SNX12: variants seen among roughly 807,000 people sequenced by gnomAD.
SNX12 encodes the protein sorting nexin-12.
For synonymous variants in SNX12, 47 were observed against 56.0 expected (o/e 0.84, Z 0.71); for missense variants, 62 against 141.3 (o/e 0.44, Z 2.84).
At chrX:71,071,424 CAT>C (rs1248833373), upstream of SNX12, among the ~76,000 whole-genome samples, 140 of 78,675 alleles carry the variant, frequency 1.8e-3, no homozygotes, top group Middle Eastern at 9.7e-3. Flanking sequence ...ATAATATAAA[CAT>C]ATAATTATAT....
upstream of SNX12, among the ~76,000 whole-genome samples, chrX:71,068,721 G>A (rs992000458): frequency 9.8e-5 from 11 of 112,718 alleles, 1 homozygote; most frequent in African/African-American, 2.9e-4. Context: ...GTGATAGGCC[G>A]AAGCCCAGTG....
chrX:71,068,421 C>T, upstream of SNX12: 1 of 617,500 alleles, frequency 1.6e-6, no homozygotes, highest in Non-Finnish European at 2.3e-6. Flanking sequence ...CAGGCGGCGG[C>T]GGCGCGCACG....
chrX:71,066,084 A>G (rs1459794872), intron 1 of SNX12, among the ~76,000 whole-genome samples: 4 of 112,587 alleles, frequency 3.6e-5, no homozygotes, highest in Admixed American at 2.8e-4. Context: ...ACAGAAGTGT[A>G]GCAGAAAGAA....
At chrX:71,068,834 T>G (rs934321298), upstream of SNX12, among the ~76,000 whole-genome samples, 4 of 112,089 alleles carry the variant, frequency 3.6e-5, no homozygotes, top group African/African-American at 1.3e-4. Flanking sequence ...GTCCCACCTG[T>G]GCCACTGATG....
At chrX:71,070,862 T>C (rs1483376074), upstream of SNX12, among the ~76,000 whole-genome samples, 1 of 111,202 alleles carries the variant, frequency 9.0e-6, no homozygotes, top group Non-Finnish European at 1.9e-5. Context: ...AGAGCAGAAC[T>C]GGAGAAAAGA....
chrX:71,066,543 T>C (rs753039069), intron 1 of SNX12, among the ~76,000 whole-genome samples: 1 of 102,747 alleles, frequency 9.7e-6, no homozygotes, highest in East Asian at 3.0e-4. Context: ...CGAGCCGAGA[T>C]TGCACCATTG....
intron 1 of SNX12, among the ~76,000 whole-genome samples, chrX:71,065,409 C>T (rs372876959): frequency 6.5e-5 from 7 of 108,114 alleles, no homozygotes; most frequent in African/African-American, 2.4e-4. Flanking sequence ...TGGCTCACAC[C>T]TGTAATCCCA....
intron 2 of SNX12, 118 bp downstream of exon 2, chrX:71,062,736 A>AT (rs2092136852): frequency 4.1e-6 from 2 of 490,228 alleles, no homozygotes; most frequent in Admixed American, 3.0e-5. Flanking sequence ...GATTTGATGG[A>AT]TAAGAATGTG....
chrX:71,062,373 T>C (rs1193031515), intron 2 of SNX12, among the ~76,000 whole-genome samples: 2 of 95,045 alleles, frequency 2.1e-5, no homozygotes, highest in Non-Finnish European at 4.2e-5. Context: ...ACTTTCTTTT[T>C]TTTTTTTTTT....
At chrX:71,071,669 T>C (rs867610840), upstream of SNX12, among the ~76,000 whole-genome samples, 1 of 63,984 alleles carries the variant, frequency 1.6e-5, no homozygotes, top group East Asian at 4.4e-4. Flanking sequence ...ATATAATTAT[T>C]TATATATAAA....
At chrX:71,068,080 T>TCCCCCCTCCCC in intron 1 of SNX12, 62 bp downstream of exon 1, 1 of 627,034 alleles carries the variant, frequency 1.6e-6, no homozygotes, top group Admixed American at 3.6e-5. Context: ...GTAGCCTCCC[T>TCCCCCCTCCCC]CCCCCCTCCC....
At chrX:71,071,996 G>A (rs1218379510), upstream of SNX12, among the ~76,000 whole-genome samples, 1 of 110,412 alleles carries the variant, frequency 9.1e-6, no homozygotes, top group Non-Finnish European at 1.9e-5. Context: ...GGTGGCTCAC[G>A]CCTGTAATCC....
chrX:71,064,362 A>G (rs1383376145), intron 1 of SNX12, among the ~76,000 whole-genome samples: 7 of 112,309 alleles, frequency 6.2e-5, no homozygotes, highest in Non-Finnish European at 1.1e-4. Flanking sequence ...GTTATACTTT[A>G]GCATTGCCTG....
intron 3 of SNX12, among the ~76,000 whole-genome samples, chrX:71,061,565 G>A (rs901766133): frequency 4.5e-5 from 5 of 110,993 alleles, no homozygotes; most frequent in African/African-American, 9.8e-5. Context: ...AAACCCCATC[G>A]CTACTAAAAA....
chrX:71,066,586 T>C (rs1421254051), intron 1 of SNX12, among the ~76,000 whole-genome samples: 1 of 83,803 alleles, frequency 1.2e-5, no homozygotes, highest in African/African-American at 5.0e-5. Context: ...CGAGACTCCA[T>C]CTCTTAAAAA....
intron 1 of SNX12, among the ~76,000 whole-genome samples, chrX:71,065,751 C>G (rs980400396): frequency 9.1e-6 from 1 of 109,763 alleles, no homozygotes; most frequent in African/African-American, 3.3e-5. Context: ...TTGCAGTGAG[C>G]CGAGATCATG....
In SNX12 at chrX:71,060,899, C is replaced by T. The variant is rs1245964731; in HGVS notation, c.*117G>A. 4 of 517,649 alleles carry T rather than the reference C, an allele frequency of 7.7e-6. No individual in the cohort carries two copies. The highest frequency in any genetic ancestry group is 1.3e-5 in the Non-Finnish European group (4 of 298,925). The allele number at this position is 517,649 out of a possible 1,213,427, so 42.7% of individuals were successfully genotyped here. On this transcript the variant is annotated 3_prime_UTR_variant, in exon 4 of 4. Transcript: ENST00000374274. Reference sequence around the variant, plus strand: ...AGGTACCAGGGAGCACAATGCCAGACAGTCTATCAGGCCAGGAGATGGGCA... The same window carrying T: ...AGGTACCAGGGAGCACAATGCCAGATAGTCTATCAGGCCAGGAGATGGGCA...
intron 1 of SNX12, among the ~76,000 whole-genome samples, chrX:71,064,670 C>A (rs1381528470): frequency 8.9e-6 from 1 of 112,847 alleles, no homozygotes; most frequent in Non-Finnish European, 1.9e-5. Flanking sequence ...CAACACGAAT[C>A]CCCTGACAGA....
upstream of SNX12, among the ~76,000 whole-genome samples, chrX:71,071,033 C>A (rs1367016784): frequency 1.8e-5 from 2 of 110,350 alleles, no homozygotes; most frequent in African/African-American, 6.6e-5. Context: ...ATAAAGATAC[C>A]AGTGTAAGGT....
Sources: gnomAD v4.1 joint callset for allele counts (sites outside exome capture counted in the v4.1 genomes callset) on GRCh38, gnomAD v4.1.1 for gene constraint, MANE v1.5 for transcripts, NCBI Gene and HGNC (gene_info 2026-07-23, HGNC 2026-07-21) for gene names.